The following TRPC3 variants were observed in gnomAD, a reference collection of about 807,000 sequenced individuals.
TRPC3 encodes the protein short transient receptor potential channel 3.
TRPC3 carries 54 observed loss-of-function variants against 90.9 expected under a neutral mutation model. The observed-to-expected ratio is 0.59, with a 90% confidence interval of 0.48 to 0.75. The LOEUF is 0.75. TRPC3 is among the 30% of genes least tolerant of loss of function. TRPC3 has a pLI of 0.00. For synonymous variants in TRPC3, 424 were observed against 450.9 expected, an observed-to-expected ratio of 0.94 and a Z score of 0.75; for missense variants, 918 against 1,194.5, an observed-to-expected ratio of 0.77 and a Z score of 3.41.
At chr4:121,920,497 C>A (rs1729464317) in intron 3 of TRPC3, among the ~76,000 whole-genome samples, 1 of 151,842 alleles carries the variant, frequency 6.6e-6, no homozygotes, top group Admixed American at 6.6e-5. Flanking sequence ...GCACTCAAGC[C>A]TGGGAGACAG....
At chr4:121,945,382 A>G (rs1470588644) in intron 1 of TRPC3, among the ~76,000 whole-genome samples, 1 of 152,332 alleles carries the variant, frequency 6.6e-6, no homozygotes. Flanking sequence ...AGGAATTGCA[A>G]CACAAATTTC....
intron 2 of TRPC3, 44 bp from the exon 3 acceptor site, chr4:121,925,250 T>C: frequency 6.4e-7 from 1 of 1,562,926 alleles, no homozygotes; most frequent in Non-Finnish European, 8.7e-7. Context: ...TAATTTGCTT[T>C]TATTCAGTGG....
intron 6 of TRPC3, among the ~76,000 whole-genome samples, chr4:121,908,795 C>A (rs1728977083): frequency 6.6e-6 from 1 of 152,052 alleles, no homozygotes; most frequent in Non-Finnish European, 1.5e-5. Context: ...TGAGGTCATT[C>A]CTAGCCCTAA....
At chr4:121,938,227 G>A (rs1730196373) in intron 1 of TRPC3, among the ~76,000 whole-genome samples, 1 of 151,950 alleles carries the variant, frequency 6.6e-6, no homozygotes, top group Non-Finnish European at 1.5e-5. Flanking sequence ...CTGACCTCAG[G>A]TCCCACATAT....
rs1229640179 is a variant in TRPC3, at chr4:121,902,886, T to C, written c.2429A>G (p.Asp810Gly). ...PKCRRRRLQK[D>G]IEMGMGNSKS... ...TGAGTTACCCATTCCCATTTCTATA[T>C]CCTTCTGAAGCCTTCTCCTTCTGCA... is the stretch of plus-strand genomic sequence containing the variant. Residue 810 changes from aspartate to glycine, a missense_variant, in exon 9 of 12, where the codon GAT (aspartate) becomes GGT (glycine). Asp to Gly is a moderately conservative substitution (Grantham distance 94). Around this residue, in one of 4 missense-constraint regions of TRPC3, gnomAD observed 121 missense variants for 135.7 expected, o/e 0.89. Transcript: ENST00000379645. The C allele has an allele frequency of 6.2e-7, 1 of 1,612,682 alleles. No homozygotes were observed.
intron 8 of TRPC3, 86 bp from the exon 9 acceptor site, chr4:121,903,147 TAA>T (rs1578615993): frequency 1.6e-6 from 2 of 1,232,080 alleles, no homozygotes; most frequent in East Asian, 2.5e-5. Context: ...ACAATGAATC[TAA>T]GTTACGTTTT....
chr4:121,894,269 TATA>T (rs1170595822), intron 10 of TRPC3, among the ~76,000 whole-genome samples: 3 of 152,124 alleles, frequency 2.0e-5, no homozygotes, highest in Non-Finnish European at 2.9e-5. Flanking sequence ...AAAGGCATTA[TATA>T]ATAATAAGGG....
rs1298348459 is a variant in TRPC3 at position 121,907,417 on chromosome 4, T to C, written c.1943A>G (p.Lys648Arg). 3.1e-6 allele frequency: 5 copies of C among 1,613,358 alleles called. No homozygotes were observed. Among genetic ancestry groups the C allele is most frequent in the Non-Finnish European group, 4.2e-6 (5 of 1,179,586 alleles). Reference protein sequence around the residue: ...PLQISLGRTVKDIFKFMVLFI... With the variant: ...PLQISLGRTVRDIFKFMVLFI... ...GAGGACCATGAACTTGAATATGTCC[T>C]TTACAGTCCTTCCAAGAGAGATCTG... The change falls in exon 7 of 12, where the codon AAG becomes AGG. Residue 648 changes from lysine to arginine, a missense_variant. By Grantham distance (26) the Lys-to-Arg change is conservative. Transcript: ENST00000379645.
chr4:121,894,555 GTTTT>G (rs374034360), intron 10 of TRPC3, among the ~76,000 whole-genome samples: 10 of 63,368 alleles, frequency 1.6e-4, no homozygotes, highest in South Asian at 7.6e-4. Flanking sequence ...TACACATTCT[GTTTT>G]TTTTTTTTTT....
At chr4:121,924,010 C>T (rs578174397) in intron 3 of TRPC3, among the ~76,000 whole-genome samples, 2 of 152,046 alleles carry the variant, frequency 1.3e-5, no homozygotes, top group South Asian at 4.2e-4. Flanking sequence ...ATTTAAAAGC[C>T]CCATACAAGT....
At chr4:121,922,018 A>G (rs546246811) in intron 3 of TRPC3, among the ~76,000 whole-genome samples, 10 of 149,860 alleles carry the variant, frequency 6.7e-5, no homozygotes, top group Non-Finnish European at 1.5e-4. Context: ...TTCCGGGTTC[A>G]TGACATTCTC....
rs768889631 is a variant in TRPC3, at chr4:121,932,259, C to T, written c.987+12G>A. On this transcript the variant is annotated intron_variant, in intron 2 of 11. Coordinates refer to ENST00000379645, the MANE Select transcript of TRPC3 (RefSeq NM_001130698.2). This position sits in a 1 kb window ranked among gnomAD's most constrained non-coding sequence, Gnocchi z 7.7. Reference sequence around the variant, plus strand: ...AGCACACAGAGCAGCCGGGGTAGAGCGCAAAGCTTACCTTGAACTCCTTCT... The same window carrying T: ...AGCACACAGAGCAGCCGGGGTAGAGTGCAAAGCTTACCTTGAACTCCTTCT... 8.7e-6 allele frequency: 14 copies of T among 1,611,424 alleles called. No homozygotes were observed. The highest frequency in any genetic ancestry group is 5.5e-5 in the South Asian group (5 of 90,868).
At position 121,910,285 on chromosome 4, in the gene TRPC3, A is replaced by G; in HGVS notation, c.1661T>C (p.Ile554Thr). ...TAGGAATCTGGCTGTGAAAGCAGCA[A>G]TGAAGATGGACAGCATCCCAAAGTC... Reference protein sequence around the residue: ...VLDFGMLSIFIAAFTARFLAF... With the variant: ...VLDFGMLSIFTAAFTARFLAF... The change falls in exon 6 of 12, where the codon ATT (isoleucine) becomes ACT (threonine). Residue 554 changes from isoleucine to threonine, a missense_variant. Ile to Thr is a moderately conservative substitution (Grantham distance 89, BLOSUM62 -1). Coordinates refer to ENST00000379645, the MANE Select transcript of TRPC3 (RefSeq NM_001130698.2). The G allele has an allele frequency of 6.2e-7, 1 of 1,613,898 alleles. No individual in the cohort carries two copies. The highest frequency in any genetic ancestry group is 8.5e-7 in the Non-Finnish European group (1 of 1,179,822).
At chr4:121,907,786 A>G (rs2149122636) in intron 6 of TRPC3, among the ~76,000 whole-genome samples, 1 of 152,270 alleles carries the variant, frequency 6.6e-6, no homozygotes, top group Non-Finnish European at 1.5e-5. Context: ...TTATAAAGAT[A>G]CTAAGCTGAC....
At chr4:121,905,629 C>A (rs1202337507) in intron 7 of TRPC3, among the ~76,000 whole-genome samples, 1 of 127,008 alleles carries the variant, frequency 7.9e-6, no homozygotes, top group East Asian at 3.1e-4. Flanking sequence ...AAAAGTAAGT[C>A]TTTTCTTTTC....
intron 10 of TRPC3, among the ~76,000 whole-genome samples, chr4:121,890,166 C>T (rs1728274468): frequency 1.3e-5 from 2 of 151,972 alleles, no homozygotes; most frequent in Admixed American, 1.3e-4. Flanking sequence ...TTGGAGAGGG[C>T]AGGGGGAATG....
At chr4:121,950,277 G>A (rs911204539) in intron 1 of TRPC3, among the ~76,000 whole-genome samples, 1 of 152,222 alleles carries the variant, frequency 6.6e-6, no homozygotes, top group East Asian at 1.9e-4. Context: ...TGCGCGCGCG[G>A]AGCAGCGCGC....
At chr4:121,889,953 G>T (rs1449988113) in intron 10 of TRPC3, among the ~76,000 whole-genome samples, 1 of 152,076 alleles carries the variant, frequency 6.6e-6, no homozygotes, top group Non-Finnish European at 1.5e-5. Flanking sequence ...AAGAAAGTAT[G>T]GTTGTATATA....
chr4:121,940,723 A>G (rs1188055052), intron 1 of TRPC3, among the ~76,000 whole-genome samples: 1 of 152,116 alleles, frequency 6.6e-6, no homozygotes, highest in African/African-American at 2.4e-5. Context: ...CTTCAGCCCA[A>G]GCTTTTGTAA....
Sources: gnomAD v4.1 joint callset for allele counts (sites outside exome capture counted in the v4.1 genomes callset) on GRCh38, gnomAD v4.1.1 for gene constraint, gnomAD v4.1.1 regional missense constraint, Gnocchi (gnomAD v3.1) non-coding constraint, MANE v1.5 for transcripts, NCBI Gene and HGNC (gene_info 2026-07-23, HGNC 2026-07-21) for gene names.